Variants in MAPK8IP3 observed in about 807,000 individuals in gnomAD.
MAPK8IP3 encodes C-Jun-amino-terminal kinase-interacting protein 3.
In MAPK8IP3, 49 loss-of-function variants were observed where a neutral mutation model predicts 157.8. The ratio of observed to expected loss-of-function variants is 0.31; its 90% CI spans 0.25 to 0.39. MAPK8IP3 has a LOEUF of 0.39. Among genes scored for constraint, MAPK8IP3 ranks in the 10% least tolerant of loss-of-function variants. The probability of loss-of-function intolerance (pLI) is 1.00; values close to 1 mark genes in which losing one functional copy is unlikely to be tolerated. For missense variants in MAPK8IP3, 1,478 were observed against 1,889.4 expected (o/e 0.78, Z 4.04); for synonymous variants, 897 against 777.7 (o/e 1.15, Z -2.55).
chr16:1,707,872 T>A (rs1160336223), intron 1 of MAPK8IP3: 1 of 152,232 alleles, frequency 6.6e-6, no homozygotes, highest in Non-Finnish European at 1.5e-5. Context: ...TTGACTTTAA[T>A]AGGAAAATAA....
At chr16:1,734,181 C>T (rs1287601822) in intron 4 of MAPK8IP3, among the ~76,000 whole-genome samples, 2 of 152,276 alleles carry the variant, frequency 1.3e-5, no homozygotes, top group African/African-American at 2.4e-5. Flanking sequence ...CTCCACAGCA[C>T]GTGAGAAGAC....
At position 1,757,321 on chromosome 16, in the gene MAPK8IP3, G is replaced by A. The variant is rs967211950; in HGVS notation, c.1217-827G>A. On this transcript the variant is annotated intron_variant, in intron 8 of 31. Coordinates refer to ENST00000610761, the MANE Select transcript of MAPK8IP3 (RefSeq NM_001318852.2). ...GGGTTTCACCGCATTAGCCAGGATG[G>A]TCTCAATCTCCTGACCTTGTGATCC... Among the ~76,000 whole-genome samples the A allele has an allele frequency of 9.2e-5, 14 of 152,234 alleles. No individual in the cohort carries two copies. In the East Asian group the frequency reaches 2.1e-3, roughly 23 times the overall value.
chr16:1,768,684 TCTG>T lies in MAPK8IP3; in HGVS notation c.3893-13_3893-11del. On this transcript the variant is annotated splice_polypyrimidine_tract_variant and intron_variant, in intron 31 of 31. Transcript: ENST00000610761. ...GGCGCGGGGGGAGCCTGGCCGTCAC[TCTG>T]CTGCTTTGCCCGCAGGAGACGGAGA... is the stretch of plus-strand genomic sequence containing the variant. 1 of 1,611,392 alleles carries T rather than the reference TCTG, an allele frequency of 6.2e-7. No individual in the cohort carries two copies. Among genetic ancestry groups the T allele is most frequent in the South Asian group, 1.1e-5 (1 of 91,006 alleles).
chr16:1,733,896 A>C (rs1269679602), intron 4 of MAPK8IP3, among the ~76,000 whole-genome samples: 1 of 152,200 alleles, frequency 6.6e-6, no homozygotes, highest in African/African-American at 2.4e-5. Context: ...ACCTGGCCCC[A>C]GCCATTCACT....
intron 1 of MAPK8IP3, among the ~76,000 whole-genome samples, chr16:1,718,188 A>ATTT (rs34304224): frequency 7.2e-6 from 1 of 139,502 alleles, no homozygotes; most frequent in African/African-American, 2.6e-5. Context: ...GAAGTAAATG[A>ATTT]TTTTTTTTTT....
intron 4 of MAPK8IP3, among the ~76,000 whole-genome samples, chr16:1,732,441 C>G (rs549534673): frequency 4.6e-5 from 7 of 152,260 alleles, no homozygotes; most frequent in Non-Finnish European, 1.0e-4. Flanking sequence ...ACAGAAGAAG[C>G]TGTCAGACTC....
chr16:1,758,269 C>T (rs546655868), intron 9 of MAPK8IP3, 110 bp downstream of exon 9: 13 of 1,295,604 alleles, frequency 1.0e-5, no homozygotes, highest in African/African-American at 5.8e-5. Flanking sequence ...CTGCCCCCCA[C>T]GTCGCCGCAG....
chr16:1,717,626 C>T (rs568526260), intron 1 of MAPK8IP3, among the ~76,000 whole-genome samples: 47 of 152,358 alleles, frequency 3.1e-4, no homozygotes, highest in Non-Finnish European at 6.3e-4. Flanking sequence ...AAACCTTTCA[C>T]TTTGCTATTG....
chr16:1,718,338 C>T (rs1300295687), intron 1 of MAPK8IP3, among the ~76,000 whole-genome samples: 1 of 151,726 alleles, frequency 6.6e-6, no homozygotes, highest in Non-Finnish European at 1.5e-5. Flanking sequence ...GCATGCATCA[C>T]CATGCCTGGC....
chr16:1,712,288 G>C (rs898788594), intron 1 of MAPK8IP3, among the ~76,000 whole-genome samples: 2 of 151,654 alleles, frequency 1.3e-5, no homozygotes, highest in Admixed American at 6.6e-5. Flanking sequence ...GTCTCGATCT[G>C]CTGACCTCGT....
intron 9 of MAPK8IP3, among the ~76,000 whole-genome samples, 160 bp downstream of exon 9, chr16:1,758,319 T>C (rs1040416483): frequency 1.3e-5 from 2 of 152,192 alleles, no homozygotes; most frequent in Non-Finnish European, 2.9e-5. Flanking sequence ...GCTCGGAAGC[T>C]TGTTCGGTTT....
Position 1,762,328 on chromosome 16 carries a change from CCT to C in MAPK8IP3, c.1540-20_1540-19del, listed in dbSNP as rs1567202059. ...ACCCGGCCTCCGAGGGCTGGCTGAGCCTCTGTGCCCCTCCCTCCGCAGGACAA... is the reference window on the plus strand; with the variant it reads ...ACCCGGCCTCCGAGGGCTGGCTGAGCCTGTGCCCCTCCCTCCGCAGGACAA... On this transcript the variant is annotated intron_variant, in intron 13 of 31. Transcript: ENST00000610761. The C allele has an allele frequency of 2.6e-6, 4 of 1,555,108 alleles. No homozygotes were observed. The Admixed American group carries it at 7.6e-5, about 29-fold the overall frequency.
rs1242041196 is a variant in MAPK8IP3 at position 1,768,752 on chromosome 16, G to C, written c.3942G>C (p.Gln1314His). The C allele has an allele frequency of 1.2e-6, 2 of 1,612,808 alleles. No homozygotes were observed. The highest frequency in any genetic ancestry group is 1.7e-6 in the Non-Finnish European group (2 of 1,179,854). The change falls in exon 32 of 32, where the codon CAG becomes CAC. Residue 1314 changes from glutamine to histidine, a missense_variant. Physicochemically the swap from Gln to His is conservative, Grantham distance 24 (BLOSUM62 0). Coordinates refer to ENST00000610761, the MANE Select transcript of MAPK8IP3 (RefSeq NM_001318852.2). ...AGGAGGGCGCAGGGGACATGAGCCAGGTGAAGCCCGTGCTGTCCAAGGCAG... is the reference window on the plus strand; with the variant it reads ...AGGAGGGCGCAGGGGACATGAGCCACGTGAAGCCCGTGCTGTCCAAGGCAG... ...ETEEGAGDMS[Q>H]VKPVLSKAER... is the part of the protein sequence containing the mutation.
chr16:1,765,020 A>T lies in MAPK8IP3; in HGVS notation c.2288A>T (p.Glu763Val). ...HTSPEKKKAK[E>V]LPEMDATSSR... ...TCCCGTGCCCTGAAACAGGCCAAGG[A>T]GCTCCCTGAAATGGACGCCACCTCC... The change falls in exon 20 of 32, where the codon GAG becomes GTG. Residue 763 changes from glutamate to valine, a missense_variant. This residue lies in a region of MAPK8IP3 where 669 missense variants were observed against 759.8 expected (regional missense o/e 0.88). Transcript: ENST00000610761. The T allele has an allele frequency of 6.2e-7, 1 of 1,605,420 alleles. No homozygotes were observed.
intron 8 of MAPK8IP3, 77 bp from the exon 9 acceptor site, chr16:1,758,071 G>A: frequency 7.0e-7 from 1 of 1,421,494 alleles, no homozygotes; most frequent in South Asian, 1.2e-5. Context: ...TAATAAGAAT[G>A]TATTGTTAGT....
At chr16:1,761,933 T>C (rs1056115619) in intron 13 of MAPK8IP3, among the ~76,000 whole-genome samples, 1 of 152,118 alleles carries the variant, frequency 6.6e-6, no homozygotes, top group Admixed American at 6.5e-5. Context: ...AGAATCAGTA[T>C]ATCCCACAAT....
At chr16:1,754,543 GT>G (rs1327938621) in intron 8 of MAPK8IP3, among the ~76,000 whole-genome samples, 1 of 152,170 alleles carries the variant, frequency 6.6e-6, no homozygotes, top group Non-Finnish European at 1.5e-5. Context: ...GGAGGCCAGG[GT>G]GGGCGGATCA....
chr16:1,762,422 C>T lies in MAPK8IP3; in HGVS notation c.1611C>T (p.Asn537=). 1 of 1,608,070 alleles carries T rather than the reference C, an allele frequency of 6.2e-7. No homozygotes were observed. The highest frequency in any genetic ancestry group is 2.2e-5 in the East Asian group (1 of 44,590). ...TGGCCCGTGTGCTCATGGAGCGGAA[C>T]CAGTACAAGGAGCGGCTGATGGAGC... ...VEMARVLMER[N]QYKERLMELQ... The change falls in exon 14 of 32, where the codon AAC becomes AAT. Residue 537 remains asparagine, a synonymous_variant. Transcript: ENST00000610761.
intron 3 of MAPK8IP3, 22 bp from the exon 4 acceptor site, chr16:1,729,465 G>A (rs776606923): frequency 6.2e-7 from 1 of 1,604,962 alleles, no homozygotes; most frequent in Non-Finnish European, 8.5e-7. Context: ...CAGCGCTAAT[G>A]CAGGCGTTTC....
Sources: gnomAD v4.1 joint callset for allele counts (sites outside exome capture counted in the v4.1 genomes callset) on GRCh38, gnomAD v4.1.1 for gene constraint, gnomAD v4.1.1 regional missense constraint, MANE v1.5 for transcripts, NCBI Gene and HGNC (gene_info 2026-07-23, HGNC 2026-07-21) for gene names.